Variants in MARK4 observed in about 807,000 individuals in gnomAD.
The protein encoded by MARK4 is microtubule affinity regulating kinase 4.
In MARK4, 19 loss-of-function variants were observed where a neutral mutation model predicts 81.5. The ratio of observed to expected loss-of-function variants is 0.23; its 90% CI spans 0.16 to 0.34. The LOEUF is 0.34. Among genes scored for constraint, MARK4 ranks in the 10% least tolerant of loss-of-function variants. MARK4 has a pLI of 1.00. For synonymous variants in MARK4, 436 were observed against 439.0 expected (o/e 0.99, Z 0.08); for missense variants, 772 against 1,058.8 (o/e 0.73, Z 3.76).
intron 1 of MARK4, among the ~76,000 whole-genome samples, chr19:45,254,680 A>G (rs1020398570): frequency 1.6e-4 from 24 of 152,120 alleles, no homozygotes; most frequent in Non-Finnish European, 2.6e-4. Context: ...GCAGTGGCGG[A>G]CGCGTGGTTA....
rs988797894 is a variant in MARK4, at chr19:45,303,332, C to G, written c.*622C>G. ...TCCTGTCAGCCCCCTCACCTGCAGC[C>G]TGTTGCCCAATAAATTTAAGAGAGT... is the stretch of plus-strand genomic sequence containing the variant. On this transcript the variant is annotated 3_prime_UTR_variant, in exon 17 of 17. Coordinates refer to ENST00000262891, the MANE Select transcript of MARK4 (RefSeq NM_001199867.2). 1.3e-5 allele frequency: 2 copies of G among 153,274 alleles called. No homozygotes were observed. The highest frequency in any genetic ancestry group is 4.8e-5 in the African/African-American group (2 of 41,410). 9.5% of individuals were successfully genotyped at this position (153,274 alleles called of 1,614,324 possible). A position where few individuals can be genotyped will look rare whatever the true frequency, so the allele number is the denominator to read the frequency against.
chr19:45,251,443 T>A lies in MARK4; in HGVS notation c.-146T>A. 25 of 192,348 alleles carry A rather than the reference T, an allele frequency of 1.3e-4. No homozygotes were observed. The highest frequency in any genetic ancestry group is 4.0e-4 in the Admixed American group (3 of 7,408). 11.9% of individuals were successfully genotyped at this position (192,348 alleles called of 1,614,324 possible). On this transcript the variant is annotated 5_prime_UTR_variant, in exon 1 of 17. Coordinates refer to ENST00000262891, the MANE Select transcript of MARK4 (RefSeq NM_001199867.2). ...CCTTCCCCTCCCCCGCCCTGCCCCC[T>A]CTCCCGCCGCGCGGACCCGGGCGTT...
At chr19:45,294,556 G>C in intron 14 of MARK4, 104 bp downstream of exon 14, 8 of 976,224 alleles carry the variant, frequency 8.2e-6, no homozygotes, top group Non-Finnish European at 1.3e-5. Context: ...GTGCCATGGG[G>C]ACCAGAGAGT....
chr19:45,277,824 TGTGTGTG>T lies in MARK4; in HGVS notation c.787-98_787-92del, dbSNP rs1016854777. 3.1e-3 allele frequency: 57 copies of T among 18,152 alleles called. No individual in the cohort carries two copies. In the Admixed American group the frequency reaches 0.047, roughly 15 times the overall value. 1.1% of individuals were successfully genotyped at this position (18,152 alleles called of 1,614,324 possible). On this transcript the variant is annotated intron_variant, in intron 8 of 16. Transcript: ENST00000262891. ...CTATCAAAGGGGTTGGGACAAAGGT[TGTGTGTG>T]TGTGTGTGTGTGTGTGTGTGTGTGT...
intron 15 of MARK4, 101 bp from the exon 16 acceptor site, chr19:45,299,710 G>A: frequency 9.8e-7 from 1 of 1,023,254 alleles, no homozygotes; most frequent in South Asian, 2.1e-5. Flanking sequence ...GGAGGGACTG[G>A]GGTTGAGGCA....
At chr19:45,257,067 A>T (rs1395032383) in intron 1 of MARK4, among the ~76,000 whole-genome samples, 1 of 151,428 alleles carries the variant, frequency 6.6e-6, no homozygotes, top group Non-Finnish European at 1.5e-5. Flanking sequence ...CGATCTTCCC[A>T]TCTCAGCCCC....
intron 13 of MARK4, chr19:45,287,949 G>A (rs1970768417): frequency 8.5e-6 from 4 of 471,224 alleles, no homozygotes; most frequent in African/African-American, 5.9e-5. Flanking sequence ...TTTTAAAAAT[G>A]TGGGAAAGGC....
chr19:45,301,474 T>C (rs1457822442), intron 16 of MARK4, among the ~76,000 whole-genome samples: 1 of 148,664 alleles, frequency 6.7e-6, no homozygotes, highest in Non-Finnish European at 1.5e-5. Flanking sequence ...GGAGAATTGC[T>C]TGAACCCGGG....
intron 13 of MARK4, among the ~76,000 whole-genome samples, chr19:45,290,472 GCCAGCATTAA>G (rs765198894): frequency 2.0e-5 from 3 of 152,262 alleles, no homozygotes; most frequent in Non-Finnish European, 4.4e-5. Context: ...GCCAGCTGTG[GCCAGCATTAA>G]CCAGCCTTTA....
At chr19:45,280,791 C>T in intron 12 of MARK4, 57 bp downstream of exon 12, 1 of 1,594,432 alleles carries the variant, frequency 6.3e-7, no homozygotes, top group Non-Finnish European at 8.6e-7. Flanking sequence ...CCCAGACTTA[C>T]AGTTACGTCA....
chr19:45,266,170 G>A, intron 6 of MARK4, 55 bp from the exon 7 acceptor site: 2 of 1,577,446 alleles, frequency 1.3e-6, no homozygotes, highest in Non-Finnish European at 1.7e-6. Context: ...AGTCCACTGA[G>A]GGAGGCTGAG....
intron 16 of MARK4, among the ~76,000 whole-genome samples, chr19:45,300,344 GAAAAAAAAAAAAAA>G (rs745730201): frequency 3.1e-5 from 1 of 32,338 alleles, no homozygotes; most frequent in Non-Finnish European, 5.7e-5. Flanking sequence ...AACTCCGTCT[GAAAAAAAAAAAAAA>G]AAAAAAAAAA....
intron 10 of MARK4, among the ~76,000 whole-genome samples, chr19:45,279,649 A>G (rs1044236990): frequency 6.6e-6 from 1 of 152,196 alleles, no homozygotes; most frequent in African/African-American, 2.4e-5. Context: ...TTGGTTTAAA[A>G]TTGTCAGTAC....
At chr19:45,283,438 C>G (rs1200336109) in intron 12 of MARK4, among the ~76,000 whole-genome samples, 6 of 136,306 alleles carry the variant, frequency 4.4e-5, no homozygotes, top group Admixed American at 1.5e-4. Flanking sequence ...AAAAAAAAAT[C>G]AACTTCCAAT....
chr19:45,276,622 A>ATTTTTT (rs764253527), intron 8 of MARK4, among the ~76,000 whole-genome samples: 1 of 123,632 alleles, frequency 8.1e-6, no homozygotes, highest in Non-Finnish European at 1.7e-5. Context: ...CATTTTACAG[A>ATTTTTT]TTTTTTTTTT....
At chr19:45,292,532 C>A (rs575479600) in intron 13 of MARK4, among the ~76,000 whole-genome samples, 9 of 152,068 alleles carry the variant, frequency 5.9e-5, no homozygotes, top group African/African-American at 2.2e-4. Flanking sequence ...TATTGCTAAA[C>A]GAAACCCACA....
Position 45,264,582 on chromosome 19 carries a change from T to C in MARK4, c.356-102T>C, listed in dbSNP as rs1003455236. 4.7e-6 allele frequency: 5 copies of C among 1,071,682 alleles called. No individual in the cohort carries two copies. In the African/African-American group the frequency reaches 7.8e-5, roughly 17 times the overall value. 66.4% of individuals were successfully genotyped at this position (1,071,682 alleles called of 1,614,324 possible). ...AGTAGGGAGCCATTGAGTGTTGAGT[T>C]GGGGTGGGGGTGTTATGGTTGGCAC... is the stretch of plus-strand genomic sequence containing the variant. On this transcript the variant is annotated intron_variant, in intron 4 of 16. Coordinates refer to ENST00000262891, the MANE Select transcript of MARK4 (RefSeq NM_001199867.2).
rs755413864 is a variant in MARK4, at chr19:45,302,530, G to A, written c.2079G>A (p.Pro693=). Residue 693 remains proline (P), a synonymous_variant, in exon 17 of 17, where the codon CCG becomes CCA. Coordinates refer to ENST00000262891, the MANE Select transcript of MARK4 (RefSeq NM_001199867.2). The surrounding 1 kb of genome is among the most constrained non-coding windows in gnomAD (Gnocchi z 4.9). ...AARCRCRQPQ[P]FLLACLHGGA... ...GCTGCCGCTGCCGCCAGCCACAGCC[G>A]TTCCTGCTGGCCTGCCTGCACGGGG... The A allele has an allele frequency of 6.9e-6, 11 of 1,600,236 alleles. No homozygotes were observed. The highest frequency in any genetic ancestry group is 2.2e-5 in the South Asian group (2 of 90,948).
chr19:45,272,225 G>T (rs1253548167), intron 8 of MARK4, among the ~76,000 whole-genome samples: 1 of 152,164 alleles, frequency 6.6e-6, no homozygotes, highest in Non-Finnish European at 1.5e-5. Flanking sequence ...CCAGCTACTT[G>T]GGAGGCTGAC....
Sources: allele counts gnomAD v4.1 joint callset (sites outside exome capture counted in the v4.1 genomes callset), GRCh38; gene constraint gnomAD v4.1.1; non-coding constraint Gnocchi (gnomAD v3.1); transcripts MANE v1.5; gene names NCBI Gene and HGNC (gene_info 2026-07-23, HGNC 2026-07-21).